The following FAM151B variants were observed in gnomAD, a reference collection of about 807,000 sequenced individuals.
FAM151B encodes protein FAM151B.
In FAM151B, 24 loss-of-function variants were observed where a neutral mutation model predicts 31.2. That is an observed-to-expected ratio of 0.77 (90% CI 0.56 to 1.08). The LOEUF is 1.08. Among genes scored for constraint, FAM151B ranks in the 50% least tolerant of loss-of-function variants. The pLI is 0.00. For synonymous variants in FAM151B, 105 were observed against 111.4 expected (o/e 0.94, Z 0.36); for missense variants, 293 against 328.6 (o/e 0.89, Z 0.84).
chr5:80,490,019 T>C (rs891959563), intron 1 of FAM151B, among the ~76,000 whole-genome samples: 24 of 144,698 alleles, frequency 1.7e-4, no homozygotes, highest in Non-Finnish European at 2.4e-4. Context: ...TTTTCCCCCT[T>C]ACACACACAC....
rs527768537 is a variant in FAM151B, at chr5:80,512,466, C to A, written c.152-1138C>A. 3.3e-5 allele frequency among the ~76,000 whole-genome samples: 5 copies of A among 152,182 alleles called. No homozygotes were observed. In the East Asian group the frequency reaches 9.6e-4, roughly 29 times the overall value. ...TGTTCTGCCATGTTTTCATAGGTTT[C>A]TCAAATAAATGCCCTTTTAAAAATG... On this transcript the variant is annotated intron_variant, in intron 2 of 5. Transcript: ENST00000282226.
chr5:80,529,150 C>T (rs1206148246), intron 5 of FAM151B, among the ~76,000 whole-genome samples: 8 of 151,980 alleles, frequency 5.3e-5, no homozygotes, highest in South Asian at 2.1e-4. Context: ...GGGTACATAA[C>T]GAAATGAAGG....
intron 5 of FAM151B, among the ~76,000 whole-genome samples, chr5:80,529,959 T>G (rs1460429654): frequency 6.6e-6 from 1 of 152,204 alleles, no homozygotes; most frequent in Non-Finnish European, 1.5e-5. Context: ...CCAATATCCG[T>G]GATGAACATC....
intron 1 of FAM151B, chr5:80,498,706 T>G (rs2112602408): frequency 1.7e-6 from 1 of 593,974 alleles, no homozygotes; most frequent in South Asian, 1.4e-5. Context: ...AGCTTCATCT[T>G]CTTTCTCTTG....
intron 1 of FAM151B, 61 bp downstream of exon 1, chr5:80,488,209 C>T: frequency 1.3e-6 from 2 of 1,507,632 alleles, no homozygotes; most frequent in Admixed American, 2.1e-5. Context: ...CTCCGCCGGC[C>T]GTACCCTCCC....
intron 3 of FAM151B, among the ~76,000 whole-genome samples, chr5:80,516,241 T>G (rs1744440811): frequency 6.6e-6 from 1 of 152,130 alleles, no homozygotes; most frequent in Admixed American, 6.5e-5. Context: ...GGAGAATCAC[T>G]TGGACCCGGG....
intron 3 of FAM151B, among the ~76,000 whole-genome samples, chr5:80,519,268 A>G (rs1421317423): frequency 6.6e-6 from 1 of 152,220 alleles, no homozygotes; most frequent in Admixed American, 6.5e-5. Flanking sequence ...AATTAGAGAT[A>G]CAGGGCTTGG....
chr5:80,490,147 A>C (rs576647435), intron 1 of FAM151B, among the ~76,000 whole-genome samples: 9 of 152,066 alleles, frequency 5.9e-5, no homozygotes, highest in Non-Finnish European at 1.2e-4. Flanking sequence ...TAATCTGAAC[A>C]CTTTGAAAGG....
chr5:80,538,442 T>TTCTCTC (rs1429657960), intron 5 of FAM151B, among the ~76,000 whole-genome samples: 1 of 56,620 alleles, frequency 1.8e-5, no homozygotes, highest in Non-Finnish European at 3.3e-5. Context: ...CTTTCTTTCT[T>TTCTCTC]TCTTTCTCTT....
chr5:80,526,677 C>A (rs1744989053), intron 5 of FAM151B, among the ~76,000 whole-genome samples: 1 of 152,064 alleles, frequency 6.6e-6, no homozygotes, highest in Non-Finnish European at 1.5e-5. Context: ...AAAATTTATT[C>A]TCTTCAAATA....
intron 2 of FAM151B, among the ~76,000 whole-genome samples, chr5:80,504,285 T>C (rs1743863318): frequency 6.6e-6 from 1 of 152,134 alleles, no homozygotes; most frequent in African/African-American, 2.4e-5. Flanking sequence ...ATGATTCTAT[T>C]CCAAAATACA....
At chr5:80,541,130 G>A (rs1237019531) in intron 5 of FAM151B, among the ~76,000 whole-genome samples, 1 of 152,174 alleles carries the variant, frequency 6.6e-6, no homozygotes, top group Non-Finnish European at 1.5e-5. Context: ...CAGCTCATCA[G>A]AAAAAGATCT....
intron 5 of FAM151B, among the ~76,000 whole-genome samples, chr5:80,533,471 G>A (rs184079938): frequency 9.6e-4 from 145 of 151,814 alleles, no homozygotes; most frequent in Admixed American, 2.8e-3. Flanking sequence ...AGATCAGGCC[G>A]AGCGAGCACA....
intron 1 of FAM151B, among the ~76,000 whole-genome samples, chr5:80,490,701 A>G (rs911539092): frequency 6.6e-6 from 1 of 152,212 alleles, no homozygotes; most frequent in East Asian, 1.9e-4. Flanking sequence ...TCCACTTATC[A>G]TAGTGTTTTC....
intron 2 of FAM151B, among the ~76,000 whole-genome samples, chr5:80,508,545 T>C (rs1361464107): frequency 6.6e-6 from 1 of 152,170 alleles, no homozygotes; most frequent in Admixed American, 6.5e-5. Flanking sequence ...GAGCATCTCT[T>C]TGTGTGCTTT....
At chr5:80,499,407 C>T (rs1360335049) in intron 1 of FAM151B, among the ~76,000 whole-genome samples, 2 of 152,248 alleles carry the variant, frequency 1.3e-5, no homozygotes, top group South Asian at 2.1e-4. Context: ...ATTACTTGCT[C>T]ACTCATATAG....
chr5:80,526,597 G>A (rs992453033), intron 5 of FAM151B, among the ~76,000 whole-genome samples: 1 of 152,054 alleles, frequency 6.6e-6, no homozygotes, highest in African/African-American at 2.4e-5. Context: ...TCCAGCCTGT[G>A]CGGCTGAACA....
rs754936542 is a variant in FAM151B at position 80,513,629 on chromosome 5, T to C, written c.177T>C (p.Asp59=). Residue 59 remains aspartate, a synonymous_variant, in exon 3 of 6, where the codon GAT becomes GAC. Coordinates refer to ENST00000282226, the MANE Select transcript of FAM151B (RefSeq NM_205548.3). ...GTACTGCTCACATGATAGAGGCTGATGTCCTTCTTCCAAGTGATGGATCAG... is the reference window on the plus strand; with the variant it reads ...GTACTGCTCACATGATAGAGGCTGACGTCCTTCTTCCAAGTGATGGATCAG... ...LKSTAHMIEA[D]VLLPSDGSEH... 9 of 1,613,626 alleles carry C rather than the reference T, an allele frequency of 5.6e-6. No individual in the cohort carries two copies. Among genetic ancestry groups the C allele is most frequent in the Admixed American group, 5.0e-5 (3 of 59,882 alleles).
At chr5:80,502,082 T>G (rs1743770664) in intron 2 of FAM151B, among the ~76,000 whole-genome samples, 165 bp downstream of exon 2, 1 of 151,936 alleles carries the variant, frequency 6.6e-6, no homozygotes, top group Non-Finnish European at 1.5e-5. Flanking sequence ...TAATTATTAT[T>G]TATTCATTTT....
Sources: gnomAD v4.1 joint callset for allele counts (sites outside exome capture counted in the v4.1 genomes callset) on GRCh38, gnomAD v4.1.1 for gene constraint, MANE v1.5 for transcripts, NCBI Gene and HGNC (gene_info 2026-07-23, HGNC 2026-07-21) for gene names.